Variants in SYNDIG1 observed in about 807,000 individuals in gnomAD.
SYNDIG1 encodes synapse differentiation inducing 1, also known as synapse differentiation-inducing gene protein 1.
A neutral mutation model predicts 19.4 loss-of-function variants in SYNDIG1; 9 were observed. That is an observed-to-expected ratio of 0.46 (90% confidence interval 0.28 to 0.81). The LOEUF (loss-of-function observed/expected upper bound fraction) is 0.81, where lower values mean the gene tolerates loss of function less well. Among genes scored for constraint, SYNDIG1 ranks in the 30% least tolerant of loss-of-function variants. The probability of loss-of-function intolerance (pLI) is 0.12; values close to 1 mark genes in which losing one functional copy is unlikely to be tolerated. For missense variants in SYNDIG1, 311 were observed against 343.3 expected (o/e 0.91, Z 0.74); for synonymous variants, 141 against 145.9 (o/e 0.97, Z 0.24).
At chr20:24,506,799 C>T (rs1416559833) in intron 1 of SYNDIG1, among the ~76,000 whole-genome samples, 1 of 152,140 alleles carries the variant, frequency 6.6e-6, no homozygotes, top group Admixed American at 6.5e-5. Context: ...CACATCGGTT[C>T]CCAAAGCCAG....
intron 2 of SYNDIG1, among the ~76,000 whole-genome samples, chr20:24,544,618 G>A (rs2057538655): frequency 6.6e-6 from 1 of 152,096 alleles, no homozygotes; most frequent in Non-Finnish European, 1.5e-5. Context: ...GTGAGAGCTG[G>A]CCTCTCAGAA....
chr20:24,475,235 C>A (rs2055584879), intron 1 of SYNDIG1, among the ~76,000 whole-genome samples: 1 of 152,220 alleles, frequency 6.6e-6, no homozygotes, highest in East Asian at 1.9e-4. Flanking sequence ...CCAGTGGAAA[C>A]CCAGTAGCCA....
At chr20:24,557,000 C>T (rs1324315895) in intron 2 of SYNDIG1, among the ~76,000 whole-genome samples, 3 of 152,130 alleles carry the variant, frequency 2.0e-5, no homozygotes, top group Non-Finnish European at 4.4e-5. Flanking sequence ...AGGTGTTGTT[C>T]ATTTCTTTTT....
intron 3 of SYNDIG1, among the ~76,000 whole-genome samples, chr20:24,591,255 G>C (rs1003109689): frequency 1.3e-5 from 2 of 152,054 alleles, no homozygotes; most frequent in East Asian, 1.9e-4. Flanking sequence ...TTAGCTGAGC[G>C]TGGTGGCTCA....
intron 1 of SYNDIG1, among the ~76,000 whole-genome samples, chr20:24,521,677 C>T: frequency 6.6e-6 from 1 of 152,042 alleles, no homozygotes. Context: ...GAGGGTGGAT[C>T]CCCTGAGGTC....
chr20:24,482,961 G>C (rs565651569), intron 1 of SYNDIG1, among the ~76,000 whole-genome samples: 2 of 152,270 alleles, frequency 1.3e-5, no homozygotes, highest in South Asian at 4.1e-4. Flanking sequence ...GAACTTCCAT[G>C]GTTTTAATTT....
chr20:24,535,705 C>T (rs1395428604), intron 1 of SYNDIG1, among the ~76,000 whole-genome samples: 1 of 152,172 alleles, frequency 6.6e-6, no homozygotes, highest in Non-Finnish European at 1.5e-5. Flanking sequence ...GGTGACACCA[C>T]TCTGAGTCTG....
intron 3 of SYNDIG1, among the ~76,000 whole-genome samples, chr20:24,615,149 T>A (rs563791720): frequency 1.3e-5 from 2 of 152,340 alleles, no homozygotes; most frequent in South Asian, 4.1e-4. Flanking sequence ...TGTTTGAACA[T>A]CGATGTAATT....
intron 2 of SYNDIG1, among the ~76,000 whole-genome samples, chr20:24,580,929 G>C (rs1381834864): frequency 6.6e-6 from 1 of 152,146 alleles, no homozygotes; most frequent in Non-Finnish European, 1.5e-5. Context: ...TGCCTACGTG[G>C]TCCGGGTCAA....
chr20:24,585,186 C>G (rs916049866), intron 3 of SYNDIG1, among the ~76,000 whole-genome samples, 193 bp downstream of exon 3: 1 of 152,220 alleles, frequency 6.6e-6, no homozygotes, highest in African/African-American at 2.4e-5. Context: ...GGCATTCCGG[C>G]TGCCTCACCC....
intron 1 of SYNDIG1, among the ~76,000 whole-genome samples, chr20:24,540,541 C>A (rs1484605191): frequency 6.6e-6 from 1 of 151,996 alleles, no homozygotes; most frequent in Non-Finnish European, 1.5e-5. Flanking sequence ...GAGGTAATTT[C>A]TTTCTATTCC....
At chr20:24,575,849 A>G (rs909562184) in intron 2 of SYNDIG1, among the ~76,000 whole-genome samples, 1 of 152,206 alleles carries the variant, frequency 6.6e-6, no homozygotes, top group Non-Finnish European at 1.5e-5. Flanking sequence ...TTTGTTTTAG[A>G]AAAGATTGCC....
At chr20:24,547,085 C>G (rs1184379893) in intron 2 of SYNDIG1, among the ~76,000 whole-genome samples, 1 of 151,568 alleles carries the variant, frequency 6.6e-6, no homozygotes, top group Non-Finnish European at 1.5e-5. Context: ...TCCCATTGCC[C>G]TGGTTCAGAG....
At chr20:24,479,936 C>T (rs139759887) in intron 1 of SYNDIG1, among the ~76,000 whole-genome samples, 7 of 152,348 alleles carry the variant, frequency 4.6e-5, no homozygotes, top group African/African-American at 1.4e-4. Context: ...TTACTCCTGC[C>T]CTGCCATGCA....
At chr20:24,479,371 ACTGAGCTTT>A (rs1411048031) in intron 1 of SYNDIG1, among the ~76,000 whole-genome samples, 1 of 151,956 alleles carries the variant, frequency 6.6e-6, no homozygotes, top group Non-Finnish European at 1.5e-5. Flanking sequence ...ACCTCTACCA[ACTGAGCTTT>A]CCTATGTGCA....
chr20:24,533,000 C>T (rs774359579), intron 1 of SYNDIG1, among the ~76,000 whole-genome samples: 1 of 152,090 alleles, frequency 6.6e-6, no homozygotes, highest in Non-Finnish European at 1.5e-5. Flanking sequence ...TCCTGGGTCT[C>T]AGAAGCCAGG....
chr20:24,472,528 A>G (rs2055498658), intron 1 of SYNDIG1, among the ~76,000 whole-genome samples: 1 of 152,238 alleles, frequency 6.6e-6, no homozygotes. Flanking sequence ...TTCTTATGTA[A>G]GATTTCTATC....
chr20:24,500,510 CTTTCTTTCTTTCTTTCTTTCTTCT>C (rs2056421852), intron 1 of SYNDIG1, among the ~76,000 whole-genome samples: 3 of 135,796 alleles, frequency 2.2e-5, no homozygotes, highest in Non-Finnish European at 4.7e-5. Flanking sequence ...TTCTTTCTTT[CTTTCTTTCTTTCTTTCTTTCTTCT>C]TTCTTTCTTT....
chr20:24,664,806 A>T (rs963615256), intron 3 of SYNDIG1, among the ~76,000 whole-genome samples: 2 of 152,098 alleles, frequency 1.3e-5, no homozygotes, highest in African/African-American at 4.8e-5. Context: ...GGAAGGTTTC[A>T]GGTGTCCTCC....
Sources: allele counts gnomAD v4.1 joint callset (sites outside exome capture counted in the v4.1 genomes callset), GRCh38; gene constraint gnomAD v4.1.1; transcripts MANE v1.5; gene names NCBI Gene and HGNC (gene_info 2026-07-23, HGNC 2026-07-21).